EFHC1: variants seen among roughly 807,000 people sequenced by gnomAD.
EFHC1 encodes the protein EF-hand domain containing 1, also known as EF-hand domain-containing protein 1.
Under a neutral mutation model 69.9 loss-of-function variants are expected in EFHC1, and 53 were observed. The observed-to-expected ratio is 0.76, with a 90% CI of 0.61 to 0.95. The LOEUF (loss-of-function observed/expected upper bound fraction) is 0.95. EFHC1 is among the 40% of genes least tolerant of loss of function. The pLI is 0.00. For synonymous variants in EFHC1, 256 were observed against 278.4 expected (o/e 0.92, Z 0.80); for missense variants, 739 against 798.7 (o/e 0.93, Z 0.90).
At chr6:52,472,331 T>C (rs1206707696) in intron 7 of EFHC1, among the ~76,000 whole-genome samples, 1 of 152,188 alleles carries the variant, frequency 6.6e-6, no homozygotes, top group East Asian at 1.9e-4. Context: ...CTGGTCCACA[T>C]TGTTCTGGAA....
intron 5 of EFHC1, among the ~76,000 whole-genome samples, chr6:52,464,351 G>A (rs1055371882): frequency 2.6e-5 from 4 of 152,176 alleles, no homozygotes; most frequent in Non-Finnish European, 5.9e-5. Flanking sequence ...AACCTGAAAT[G>A]AAACCATCAT....
In EFHC1 at chr6:52,462,212, C is replaced by T. The variant is rs186051624; in HGVS notation, c.917-2683C>T. Among the ~76,000 whole-genome samples, 178 of 150,182 alleles carry T rather than the reference C, an allele frequency of 1.2e-3. 1 individual carries two copies. Among genetic ancestry groups the T allele is most frequent in the African/African-American group, 4.1e-3 (168 of 40,916 alleles). Reference sequence around the variant, plus strand: ...TTGAAAAACATATTTTCAGATAACCCATGAGTTAAAAAAAAATATTGTCAG... The same window carrying T: ...TTGAAAAACATATTTTCAGATAACCTATGAGTTAAAAAAAAATATTGTCAG... On this transcript the variant is annotated intron_variant, in intron 5 of 10. Transcript: ENST00000371068.
At position 52,495,825 on chromosome 6, in the gene EFHC1, T is replaced by C. The variant is rs1386503167; in HGVS notation, c.*3484T>C. ...TCTTGCCTTGCATCTCCTTTTAAGT[T>C]TACTTAAGACTGAGAAGCTGAGATC... On this transcript the variant is annotated 3_prime_UTR_variant, in exon 11 of 11. Coordinates refer to ENST00000371068, the MANE Select transcript of EFHC1 (RefSeq NM_018100.4). 2.8e-6 allele frequency: 1 copy of C among 351,288 alleles called. No individual in the cohort carries two copies. The highest frequency in any genetic ancestry group is 7.4e-5 in the East Asian group (1 of 13,516). The allele number at this position is 351,288 out of a possible 1,614,324, so 21.8% of individuals were successfully genotyped here.
chr6:52,477,868 T>C (rs1490260101), intron 7 of EFHC1, among the ~76,000 whole-genome samples: 24 of 152,168 alleles, frequency 1.6e-4, no homozygotes, highest in South Asian at 2.1e-4. Context: ...GTCAGTGTGG[T>C]GATTCCTCAG....
intron 5 of EFHC1, among the ~76,000 whole-genome samples, chr6:52,456,159 A>T (rs1765040152): frequency 6.6e-6 from 1 of 152,172 alleles, no homozygotes; most frequent in African/African-American, 2.4e-5. Flanking sequence ...TATTTTTTTA[A>T]AAAAATGAAA....
At position 52,424,148 on chromosome 6, in the gene EFHC1, A is replaced by AT. The variant is rs1562442286; in HGVS notation, c.267dup (p.Val90CysfsTer4). The stretch of plus-strand genomic sequence containing the variant: ...CCACCTGCGGATTTTATTCCTGCGC[A>AT]TGTGGCCTTTGACAAAAAGGTATCA... On this transcript the variant is annotated frameshift_variant, in exon 2 of 11. Transcript: ENST00000371068. LOFTEE classifies it high-confidence loss of function. 1 of 1,614,022 alleles carries AT rather than the reference A, an allele frequency of 6.2e-7. No individual in the cohort carries two copies. The highest frequency in any genetic ancestry group is 1.1e-5 in the South Asian group (1 of 91,082).
Position 52,438,417 on chromosome 6 carries a change from C to T in EFHC1, c.399C>T (p.Val133=). 6.2e-7 allele frequency: 1 copy of T among 1,613,952 alleles called. No homozygotes were observed. Among genetic ancestry groups the T allele is most frequent in the East Asian group, 2.2e-5 (1 of 44,874 alleles). Residue 133 remains valine, a synonymous_variant, in exon 3 of 11, where the codon GTC becomes GTT. Transcript: ENST00000371068. ...YYYLEDDSMS[V]IEPVVENSGI... ...ATCTAGAAGATGACAGCATGTCTGTCATAGAGCCTGTTGTAGAAAATTCTG... is the reference window on the plus strand; with the variant it reads ...ATCTAGAAGATGACAGCATGTCTGTTATAGAGCCTGTTGTAGAAAATTCTG...
chr6:52,438,641 T>G (rs1387113453), intron 3 of EFHC1, 50 bp downstream of exon 3: 1 of 1,574,708 alleles, frequency 6.4e-7, no homozygotes. Context: ...TCATTCTAAT[T>G]TATAGAAGGA....
chr6:52,469,517 T>A, intron 7 of EFHC1, 44 bp downstream of exon 7: 6 of 1,609,504 alleles, frequency 3.7e-6, no homozygotes, highest in Non-Finnish European at 5.1e-6. Flanking sequence ...TCTATCTCAG[T>A]ACTGTGTACA....
chr6:52,489,890 A>C (rs1023737243), intron 9 of EFHC1, among the ~76,000 whole-genome samples: 3 of 152,220 alleles, frequency 2.0e-5, no homozygotes, highest in African/African-American at 7.2e-5. Flanking sequence ...CTTGTGATGC[A>C]GTGATTAACA....
chr6:52,457,633 G>A (rs963237367), intron 5 of EFHC1, among the ~76,000 whole-genome samples: 4 of 152,138 alleles, frequency 2.6e-5, no homozygotes, highest in Admixed American at 6.5e-5. Context: ...AAGGGCAATT[G>A]CATATTACCA....
intron 9 of EFHC1, among the ~76,000 whole-genome samples, chr6:52,480,923 G>A (rs1005184645): frequency 6.6e-6 from 1 of 152,124 alleles, no homozygotes; most frequent in African/African-American, 2.4e-5. Flanking sequence ...GAAAGGTGCT[G>A]GCTTTTTTCT....
rs780892940 is a variant in EFHC1 at position 52,465,125 on chromosome 6, T to C, written c.1137+10T>C. 6.2e-7 allele frequency: 1 copy of C among 1,610,246 alleles called. No homozygotes were observed. The highest frequency in any genetic ancestry group is 8.5e-7 in the Non-Finnish European group (1 of 1,178,028). On this transcript the variant is annotated intron_variant, in intron 6 of 10. Coordinates refer to ENST00000371068, the MANE Select transcript of EFHC1 (RefSeq NM_018100.4). The stretch of plus-strand genomic sequence containing the variant: ...ACCTCCAGTAAAACAGGTAATCAGA[T>C]AGTACTTCTTAGTGTGGTGAGAAAA...
intron 7 of EFHC1, among the ~76,000 whole-genome samples, chr6:52,477,035 C>T (rs1248262414): frequency 6.6e-6 from 1 of 152,026 alleles, no homozygotes; most frequent in Non-Finnish European, 1.5e-5. Context: ...AAACCTCATT[C>T]CCAATAAAGA....
In EFHC1 at chr6:52,495,153, AG is replaced by A. The variant is rs1307277287; in HGVS notation, c.*2815del. The A allele has an allele frequency of 4.4e-6, 2 of 453,924 alleles. No individual in the cohort carries two copies. Among genetic ancestry groups the A allele is most frequent in the East Asian group, 6.9e-5 (1 of 14,396 alleles). The allele number at this position is 453,924 out of a possible 1,614,324, so 28.1% of individuals were successfully genotyped here. On this transcript the variant is annotated 3_prime_UTR_variant, in exon 11 of 11. Transcript: ENST00000371068. ...GCCCTTTCAGGCTGACACACCTTCC[AG>A]GGTGTGCACTCTCGCCATGTTCTCA...
At chr6:52,448,559 C>T (rs2113989514) in intron 3 of EFHC1, among the ~76,000 whole-genome samples, 1 of 152,244 alleles carries the variant, frequency 6.6e-6, no homozygotes. Flanking sequence ...TGGGCTGCAC[C>T]CACTGTCTGA....
chr6:52,437,655 A>C (rs933875431), intron 2 of EFHC1: 1 of 152,324 alleles, frequency 6.6e-6, no homozygotes, highest in African/African-American at 2.4e-5. Context: ...TCTTCTTGCT[A>C]TGTCTTCATG....
In EFHC1 at chr6:52,456,331, T is replaced by C. The variant is rs115473714; in HGVS notation, c.916+2044T>C. ...TGGGACTAATATAGTAATTTTGGCC[T>C]TTCAGAATGCTTAAACAAGCCTGAA... On this transcript the variant is annotated intron_variant, in intron 5 of 10. Coordinates refer to ENST00000371068, the MANE Select transcript of EFHC1 (RefSeq NM_018100.4). Among the ~76,000 whole-genome samples the C allele has an allele frequency of 5.5e-3, 844 of 152,286 alleles. 8 individuals are homozygous for C. The highest frequency in any genetic ancestry group is 0.019 in the African/African-American group (794 of 41,554).
chr6:52,488,149 C>G (rs1022728985), intron 9 of EFHC1: 2 of 152,142 alleles, frequency 1.3e-5, no homozygotes, highest in East Asian at 1.9e-4. Flanking sequence ...CACATTTTAA[C>G]TTTATATGTT....
Sources: gnomAD v4.1 joint callset for allele counts (sites outside exome capture counted in the v4.1 genomes callset) on GRCh38, gnomAD v4.1.1 for gene constraint, MANE v1.5 for transcripts, NCBI Gene and HGNC (gene_info 2026-07-23, HGNC 2026-07-21) for gene names.